NRG1: variants seen among roughly 807,000 people sequenced by gnomAD.
NRG1 encodes the protein neuregulin 1.
Under a neutral mutation model 63.8 loss-of-function variants are expected in NRG1, and 18 were observed. The ratio of observed to expected loss-of-function variants is 0.28; its 90% CI spans 0.19 to 0.42. The LOEUF (loss-of-function observed/expected upper bound fraction) is 0.42. Among genes scored for constraint, NRG1 ranks in the 10% least tolerant of loss-of-function variants. The pLI, the probability that NRG1 is intolerant of heterozygous loss-of-function variation, is 1.00. For missense variants in NRG1, 762 were observed against 814.7 expected (o/e 0.94, Z 0.79); for synonymous variants, 302 against 301.3 (o/e 1.00, Z -0.02).
chr8:31,938,816 G>T (rs1801325497), intron 1 of NRG1, among the ~76,000 whole-genome samples: 1 of 152,140 alleles, frequency 6.6e-6, no homozygotes, highest in African/African-American at 2.4e-5. Context: ...AAGAACTTCT[G>T]AGCTCGAAGA....
At chr8:31,687,930 G>A (rs1349558789) in intron 1 of NRG1, among the ~76,000 whole-genome samples, 2 of 152,208 alleles carry the variant, frequency 1.3e-5, no homozygotes, top group Non-Finnish European at 2.9e-5. Context: ...CCCTAAAGGG[G>A]CTTACAGCTG....
intron 1 of NRG1, among the ~76,000 whole-genome samples, chr8:32,569,756 C>T (rs938811500): frequency 4.0e-5 from 6 of 151,852 alleles, no homozygotes; most frequent in Non-Finnish European, 8.8e-5. Flanking sequence ...ATTGTGAGCT[C>T]ATTGTTTTTT....
chr8:32,332,106 C>G (rs527918788), intron 1 of NRG1, among the ~76,000 whole-genome samples: 1 of 151,732 alleles, frequency 6.6e-6, no homozygotes, highest in South Asian at 2.1e-4. Context: ...GGCAGCATAG[C>G]AAGACCCCAT....
At chr8:32,211,213 A>G (rs2132393335) in intron 1 of NRG1, among the ~76,000 whole-genome samples, 1 of 152,340 alleles carries the variant, frequency 6.6e-6, no homozygotes, top group South Asian at 2.1e-4. Flanking sequence ...TATACACAGT[A>G]TATCTTGGAG....
At chr8:32,503,890 G>A (rs1039283851) in intron 1 of NRG1, among the ~76,000 whole-genome samples, 1 of 152,136 alleles carries the variant, frequency 6.6e-6, no homozygotes, top group Non-Finnish European at 1.5e-5. Flanking sequence ...TTTATACGCT[G>A]GCATGCTTCT....
chr8:31,957,858 T>C (rs151274671), intron 1 of NRG1, among the ~76,000 whole-genome samples: 7 of 152,322 alleles, frequency 4.6e-5, no homozygotes, highest in Non-Finnish European at 1.0e-4. Context: ...GAGCGCACTA[T>C]TTCTACCCCA....
intron 5 of NRG1, among the ~76,000 whole-genome samples, chr8:32,626,603 C>T (rs1362878674): frequency 2.0e-5 from 3 of 151,816 alleles, no homozygotes; most frequent in South Asian, 2.1e-4. Flanking sequence ...TGGCGTGAAC[C>T]TGGGAGGTGG....
At chr8:32,735,722 A>C (rs1824862593) in intron 6 of NRG1, among the ~76,000 whole-genome samples, 1 of 152,182 alleles carries the variant, frequency 6.6e-6, no homozygotes, top group South Asian at 2.1e-4. Context: ...TAGAGTAAAC[A>C]TGGGCAAGGG....
chr8:32,175,773 A>C (rs1355122929), intron 1 of NRG1, among the ~76,000 whole-genome samples: 3 of 152,216 alleles, frequency 2.0e-5, no homozygotes, highest in Non-Finnish European at 2.9e-5. Flanking sequence ...TCCAACTTAC[A>C]AGGGATGTGA....
chr8:32,605,137 T>C (rs1335343146), intron 2 of NRG1, among the ~76,000 whole-genome samples: 1 of 152,218 alleles, frequency 6.6e-6, no homozygotes, highest in East Asian at 1.9e-4. Context: ...CTTCAGTAAG[T>C]GTCCTTAACA....
intron 11 of NRG1, chr8:32,760,689 T>C (rs1830536768): frequency 8.2e-7 from 1 of 1,221,822 alleles, no homozygotes; most frequent in Non-Finnish European, 1.0e-6. Flanking sequence ...GCTCTGGCCA[T>C]GGGCTCAGAC....
chr8:32,218,282 A>G (rs1845455905), intron 1 of NRG1, among the ~76,000 whole-genome samples: 1 of 152,198 alleles, frequency 6.6e-6, no homozygotes, highest in Non-Finnish European at 1.5e-5. Context: ...CCAACCATTC[A>G]AACCATGTTC....
At chr8:32,268,657 T>C (rs1454762376) in intron 1 of NRG1, among the ~76,000 whole-genome samples, 1 of 152,164 alleles carries the variant, frequency 6.6e-6, no homozygotes, top group Non-Finnish European at 1.5e-5. Context: ...TACAGGGTTT[T>C]TAGAAAACAA....
chr8:31,726,994 A>G lies in NRG1; in HGVS notation c.37+87563A>G, dbSNP rs914381544. On this transcript the variant is annotated intron_variant, in intron 1 of 10. Transcript: ENST00000519301. ...GCAGCACACCAGTGTGTCCATTACA[A>G]CAGGCTATTCTTATGATTGAAAAAC... Among the ~76,000 whole-genome samples, 3 of 152,084 alleles carry G rather than the reference A, an allele frequency of 2.0e-5. No homozygotes were observed. In the East Asian group the frequency reaches 5.8e-4, roughly 29 times the overall value.
intron 1 of NRG1, among the ~76,000 whole-genome samples, chr8:32,347,670 T>G (rs981542187): frequency 6.6e-6 from 1 of 152,174 alleles, no homozygotes; most frequent in African/African-American, 2.4e-5. Context: ...TTGGAAAACA[T>G]GAAGTTGTGT....
chr8:31,749,063 T>A (rs1377213683), intron 1 of NRG1, among the ~76,000 whole-genome samples: 1 of 151,916 alleles, frequency 6.6e-6, no homozygotes, highest in Non-Finnish European at 1.5e-5. Flanking sequence ...TACAATACAA[T>A]GCAGCATTAT....
At chr8:32,361,888 C>A (rs1045095758) in intron 1 of NRG1, among the ~76,000 whole-genome samples, 2 of 152,200 alleles carry the variant, frequency 1.3e-5, no homozygotes, top group African/African-American at 2.4e-5. Context: ...TCCAGCTCTT[C>A]TGCTTCACCC....
At chr8:32,312,559 C>G (rs934925898) in intron 1 of NRG1, among the ~76,000 whole-genome samples, 4 of 151,930 alleles carry the variant, frequency 2.6e-5, no homozygotes, top group African/African-American at 9.7e-5. Context: ...ATTCATGATA[C>G]CACAAGGGAG....
chr8:32,172,478 G>T (rs1840181701), intron 1 of NRG1, among the ~76,000 whole-genome samples: 1 of 152,182 alleles, frequency 6.6e-6, no homozygotes, highest in Non-Finnish European at 1.5e-5. Flanking sequence ...TACCAGCAAT[G>T]GAACAAAGCT....
Sources: allele counts gnomAD v4.1 joint callset (sites outside exome capture counted in the v4.1 genomes callset), GRCh38; gene constraint gnomAD v4.1.1; transcripts MANE v1.5; gene names NCBI Gene and HGNC (gene_info 2026-07-23, HGNC 2026-07-21).